The following FHAD1 variants were observed in gnomAD, a reference collection of about 807,000 sequenced individuals.
The protein encoded by FHAD1 is forkhead associated phosphopeptide binding domain 1.
In FHAD1, 146 loss-of-function variants were observed where a neutral mutation model predicts 191.3. The ratio of observed to expected loss-of-function variants is 0.76; its 90% confidence interval spans 0.67 to 0.88. The LOEUF (loss-of-function observed/expected upper bound fraction) is 0.88. Among genes scored for constraint, FHAD1 ranks in the 40% least tolerant of loss-of-function variants. FHAD1 has a pLI of 0.00. For missense variants in FHAD1, 1,635 were observed against 1,785.8 expected (o/e 0.92, Z 1.52); for synonymous variants, 616 against 672.3 (o/e 0.92, Z 1.29).
At chr1:15,374,019 G>A (rs573179276) in intron 26 of FHAD1, among the ~76,000 whole-genome samples, 5 of 152,282 alleles carry the variant, frequency 3.3e-5, no homozygotes, top group East Asian at 1.9e-4. Flanking sequence ...CAGAAGCTCC[G>A]AAGCCTCAGA....
rs112303425 is a variant in FHAD1, at chr1:15,318,697, G to A, written c.1365+769G>A. 0.022 allele frequency among the ~76,000 whole-genome samples: 3,387 copies of A among 152,176 alleles called. 59 individuals are homozygous for A. The highest frequency in any genetic ancestry group is 0.058 in the Middle Eastern group (17 of 294). The stretch of plus-strand genomic sequence containing the variant: ...ACGTTGCTCCTCAGTTGCCAGCCAC[G>A]TTCCAAGTGCATAGTAGCCACGTGT... On this transcript the variant is annotated intron_variant, in intron 10 of 33. Coordinates refer to ENST00000688493, the MANE Select transcript of FHAD1 (RefSeq NM_001391957.1). This position sits in a 1 kb window ranked among gnomAD's most constrained non-coding sequence, Gnocchi z 4.1.
At chr1:15,392,865 C>G (rs1222109092) in intron 33 of FHAD1, among the ~76,000 whole-genome samples, 2 of 152,048 alleles carry the variant, frequency 1.3e-5, no homozygotes, top group Non-Finnish European at 2.9e-5. Flanking sequence ...TTCCAGTTAA[C>G]AAGTACTTAC....
At chr1:15,248,230 G>A (rs1646338797) in intron 1 of FHAD1, among the ~76,000 whole-genome samples, 1 of 152,190 alleles carries the variant, frequency 6.6e-6, no homozygotes, top group Non-Finnish European at 1.5e-5. Flanking sequence ...CTGGGGGCCA[G>A]AGGGGAGTAA....
At chr1:15,244,884 A>G (rs946893389), upstream of FHAD1, among the ~76,000 whole-genome samples, 9 of 152,160 alleles carry the variant, frequency 5.9e-5, no homozygotes, top group African/African-American at 2.2e-4. The surrounding 1 kb of genome is among the most constrained non-coding windows in gnomAD (Gnocchi z 5.1). Flanking sequence ...ATTTATCCAG[A>G]AAAGAGGTTT....
Position 15,380,807 on chromosome 1 carries a change from C to G in FHAD1, c.3801+11C>G, listed in dbSNP as rs907824376. The G allele has an allele frequency of 6.5e-7, 1 of 1,546,846 alleles. No individual in the cohort carries two copies. The highest frequency in any genetic ancestry group is 1.4e-5 in the African/African-American group (1 of 73,046). The stretch of plus-strand genomic sequence containing the variant: ...CTCAGTGAAAAGCTGGTATGTACAT[C>G]CAGCATCCACCCTGCTCCTATCCAA... On this transcript the variant is annotated intron_variant, in intron 29 of 33. Transcript: ENST00000688493.
At chr1:15,299,156 C>T (rs1354544803) in intron 5 of FHAD1, among the ~76,000 whole-genome samples, 1 of 136,694 alleles carries the variant, frequency 7.3e-6, no homozygotes. Flanking sequence ...GCTGTGATTG[C>T]ACCACTGTGC....
At chr1:15,263,384 T>C (rs1651928348) in intron 2 of FHAD1, among the ~76,000 whole-genome samples, 1 of 152,096 alleles carries the variant, frequency 6.6e-6, no homozygotes, top group Non-Finnish European at 1.5e-5. Flanking sequence ...GTCAAATCTA[T>C]TGTCCGGAAG....
intron 1 of FHAD1, among the ~76,000 whole-genome samples, chr1:15,247,742 C>A (rs184426913): frequency 2.0e-5 from 3 of 152,142 alleles, no homozygotes; most frequent in African/African-American, 7.2e-5. Context: ...GAGACTCCCC[C>A]CTTGCCTAAC....
chr1:15,343,229 T>C (rs1687473169), intron 16 of FHAD1, among the ~76,000 whole-genome samples: 1 of 152,198 alleles, frequency 6.6e-6, no homozygotes, highest in African/African-American at 2.4e-5. Flanking sequence ...CTGATCTTAG[T>C]GGGGTGAGGG....
At chr1:15,259,209 G>A (rs957908837) in intron 2 of FHAD1, among the ~76,000 whole-genome samples, 2 of 151,998 alleles carry the variant, frequency 1.3e-5, no homozygotes, top group Non-Finnish European at 2.9e-5. Context: ...TAATACAAAC[G>A]GCCACACCCC....
chr1:15,391,933 C>G (rs537190432), intron 33 of FHAD1, among the ~76,000 whole-genome samples: 1 of 152,328 alleles, frequency 6.6e-6, no homozygotes, highest in South Asian at 2.1e-4. Flanking sequence ...CATCCACACA[C>G]TTGGAGAGAC....
chr1:15,237,492 C>G (rs1644906694), intron 1 of FHAD1, among the ~76,000 whole-genome samples: 1 of 152,144 alleles, frequency 6.6e-6, no homozygotes, highest in Non-Finnish European at 1.5e-5. Context: ...CCTGACCCCA[C>G]AAGCTCCACC....
chr1:15,350,548 T>C (rs866173439), intron 19 of FHAD1, among the ~76,000 whole-genome samples: 6 of 151,976 alleles, frequency 3.9e-5, no homozygotes, highest in African/African-American at 1.5e-4. Context: ...AGGAAATAGG[T>C]GGGAGAGGTG....
At chr1:15,240,956 C>CA (rs55740154) in intron 1 of FHAD1, among the ~76,000 whole-genome samples, 7,195 of 124,288 alleles carry the variant, frequency 0.058, 268 homozygotes, top group Non-Finnish European at 0.088. Context: ...GACTCTATCT[C>CA]AAAAAAAAAA....
Position 15,316,466 on chromosome 1 carries a change from C to T in FHAD1, c.1259C>T (p.Thr420Ile), listed in dbSNP as rs1002911650. The change falls in exon 9 of 34, where the codon ACC becomes ATC. Residue 420 changes from threonine (T) to isoleucine (I), a missense_variant and splice_region_variant. Thr to Ile is a moderately conservative substitution (Grantham distance 89). Coordinates refer to ENST00000688493, the MANE Select transcript of FHAD1 (RefSeq NM_001391957.1). The surrounding 1 kb of genome is among the most constrained non-coding windows in gnomAD (Gnocchi z 4.3). ...GAGAAAGAGTTAAAACTCTGCAAAACCGTGAGTTGAGCTTCCTCCTTTGTA... is the reference window on the plus strand; with the variant it reads ...GAGAAAGAGTTAAAACTCTGCAAAATCGTGAGTTGAGCTTCCTCCTTTGTA... ...AQEKELKLCK[T>I]QIQDMEKEMK... The T allele has an allele frequency of 6.4e-6, 10 of 1,551,548 alleles. No homozygotes were observed. The African/African-American group carries it at 1.1e-4, about 17-fold the overall frequency.
chr1:15,394,034 C>T (rs1570676167), intron 33 of FHAD1, among the ~76,000 whole-genome samples: 1 of 152,094 alleles, frequency 6.6e-6, no homozygotes, highest in Admixed American at 6.5e-5. Flanking sequence ...TTCATTCACA[C>T]CTGGGTGTGG....
At chr1:15,385,013 C>T (rs758176112) in intron 31 of FHAD1, among the ~76,000 whole-genome samples, 6 of 152,146 alleles carry the variant, frequency 3.9e-5, no homozygotes, top group African/African-American at 7.2e-5. Context: ...GGATGCACCC[C>T]GCCTACTCCA....
intron 2 of FHAD1, among the ~76,000 whole-genome samples, chr1:15,252,523 T>G (rs1646909719): frequency 6.6e-6 from 1 of 152,104 alleles, no homozygotes; most frequent in South Asian, 2.1e-4. Flanking sequence ...TGTCCCTATT[T>G]TAGCTAGTCC....
chr1:15,373,124 C>T (rs183887003), intron 26 of FHAD1, among the ~76,000 whole-genome samples: 10 of 152,262 alleles, frequency 6.6e-5, no homozygotes, highest in Admixed American at 2.6e-4. Flanking sequence ...ACCCTCTGGA[C>T]GTTGTATGCA....
Sources: gnomAD v4.1 joint callset for allele counts (sites outside exome capture counted in the v4.1 genomes callset) on GRCh38, gnomAD v4.1.1 for gene constraint, Gnocchi (gnomAD v3.1) non-coding constraint, MANE v1.5 for transcripts, NCBI Gene and HGNC (gene_info 2026-07-23, HGNC 2026-07-21) for gene names.